ZFP82: variants seen among roughly 807,000 people sequenced by gnomAD.
The protein encoded by ZFP82 is ZFP82 zinc finger protein.
Under a neutral mutation model 54.0 loss-of-function variants are expected in ZFP82, and 30 were observed. That is an observed-to-expected ratio of 0.56 (90% CI 0.42 to 0.75). The LOEUF is 0.75. Among genes scored for constraint, ZFP82 ranks in the 30% least tolerant of loss-of-function variants. The pLI is 0.00. For missense variants in ZFP82, 500 were observed against 636.8 expected (o/e 0.79, Z 2.31); for synonymous variants, 194 against 209.5 (o/e 0.93, Z 0.64).
At chr19:36,413,828 A>C (rs1188175680) in intron 1 of ZFP82, among the ~76,000 whole-genome samples, 1 of 152,198 alleles carries the variant, frequency 6.6e-6, no homozygotes, top group East Asian at 1.9e-4. Context: ...AAAATGGCTT[A>C]CTGTAAGCAC....
In ZFP82 at chr19:36,391,954, GT is replaced by G. The variant is rs1282436833; in HGVS notation, c.*786del. 2 of 152,186 alleles carry G rather than the reference GT, an allele frequency of 1.3e-5. No homozygotes were observed. Among genetic ancestry groups the G allele is most frequent in the Non-Finnish European group, 2.9e-5 (2 of 68,032 alleles). 9.4% of individuals were successfully genotyped at this position (152,186 alleles called of 1,614,324 possible). On this transcript the variant is annotated 3_prime_UTR_variant, in exon 5 of 5. Transcript: ENST00000392161. ...ATATTTAGTATGATAATAAAAGAAA[GT>G]TTAGTGGCTTAAAACAACAACCATT...
At chr19:36,418,332 G>A (rs1280775227) in intron 1 of ZFP82, among the ~76,000 whole-genome samples, 160 bp downstream of exon 1, 1 of 151,920 alleles carries the variant, frequency 6.6e-6, no homozygotes, top group Non-Finnish European at 1.5e-5. Context: ...CGCACTCCAC[G>A]GCCACAACAA....
chr19:36,397,287 TTCA>T (rs1045648750), intron 4 of ZFP82, among the ~76,000 whole-genome samples: 1 of 151,860 alleles, frequency 6.6e-6, no homozygotes, highest in African/African-American at 2.4e-5. Context: ...AGAGACGGGT[TTCA>T]TCATGTTGGC....
intron 1 of ZFP82, among the ~76,000 whole-genome samples, chr19:36,416,543 G>C (rs1405969335): frequency 3.9e-5 from 6 of 152,096 alleles, no homozygotes; most frequent in Non-Finnish European, 8.8e-5. Context: ...GATCACCTGA[G>C]GTCGGGAGTT....
downstream of ZFP82, among the ~76,000 whole-genome samples, chr19:36,388,243 G>A (rs1017901998): frequency 2.6e-5 from 4 of 151,962 alleles, no homozygotes; most frequent in African/African-American, 9.7e-5. Flanking sequence ...TTTTGCGAAT[G>A]TTTGCATATA....
In ZFP82 at chr19:36,393,667, G is replaced by C; in HGVS notation, c.673C>G (p.Leu225Val). 6.2e-7 allele frequency: 1 copy of C among 1,614,068 alleles called. No homozygotes were observed. The highest frequency in any genetic ancestry group is 8.5e-7 in the Non-Finnish European group (1 of 1,180,008). ...TCCCCACATTCCTTACATTCATAGA[G>C]TTTTTCACCAGAATGAAGTCTCTGA... is the stretch of plus-strand genomic sequence containing the variant. The part of the protein sequence containing the change: ...RHQRLHSGEK[L>V]YECKECGEAF... The change falls in exon 5 of 5, where the codon CTC (leucine) becomes GTC (valine). Residue 225 changes from leucine (L) to valine (V), a missense_variant. Physicochemically the swap from Leu to Val is conservative, Grantham distance 32. Transcript: ENST00000392161.
rs1434152929 is a variant in ZFP82 at position 36,389,670 on chromosome 19, T to C, written c.*3071A>G. Reference sequence around the variant, plus strand: ...TTTAGTAACCAATCCATGTTTACATTTGTACAATATGTAGAGACATTTTAT... The same window carrying C: ...TTTAGTAACCAATCCATGTTTACATCTGTACAATATGTAGAGACATTTTAT... On this transcript the variant is annotated 3_prime_UTR_variant, in exon 5 of 5. Coordinates refer to ENST00000392161, the MANE Select transcript of ZFP82 (RefSeq NM_133466.4). Among the ~76,000 whole-genome samples the C allele has an allele frequency of 3.3e-5, 5 of 152,366 alleles. No individual in the cohort carries two copies. The East Asian group carries it at 9.6e-4, about 29-fold the overall frequency.
At chr19:36,417,662 G>C (rs538803034) in intron 1 of ZFP82, among the ~76,000 whole-genome samples, 1 of 152,152 alleles carries the variant, frequency 6.6e-6, no homozygotes, top group African/African-American at 2.4e-5. Context: ...CACATAACCA[G>C]AGTAACATAA....
intron 4 of ZFP82, chr19:36,394,608 C>T (rs2032264661): frequency 6.3e-6 from 1 of 157,542 alleles, no homozygotes; most frequent in Admixed American, 6.3e-5. Context: ...CCCTTTACTG[C>T]TCCCTGGAGA....
Position 36,407,989 on chromosome 19 carries a change from A to G in ZFP82, c.34T>C (p.Ser12Pro). 1 of 1,614,130 alleles carries G rather than the reference A, an allele frequency of 6.2e-7. No homozygotes were observed. The highest frequency in any genetic ancestry group is 8.5e-7 in the Non-Finnish European group (1 of 1,179,978). The change falls in exon 3 of 5, where the codon TCC becomes CCC. Residue 12 changes from serine (S) to proline (P), a missense_variant. Coordinates refer to ENST00000392161, the MANE Select transcript of ZFP82 (RefSeq NM_133466.4). Reference sequence around the variant, plus strand: ...CACTCTTCTGGAGAGAAGTCTATGGATACATCACTGAACATCACTGATCGC... The same window carrying G: ...CACTCTTCTGGAGAGAAGTCTATGGGTACATCACTGAACATCACTGATCGC... ...ALRSVMFSDV[S>P]IDFSPEEWEY...
In ZFP82 at chr19:36,389,257, T is replaced by C. The variant is rs1358701763; in HGVS notation, c.*3484A>G. ...TTCACCATGTTGGCCAGGATGGTCTTGATCTCCTGGCCTCAAATGATCCAC... is the reference window on the plus strand; with the variant it reads ...TTCACCATGTTGGCCAGGATGGTCTCGATCTCCTGGCCTCAAATGATCCAC... On this transcript the variant is annotated 3_prime_UTR_variant, in exon 5 of 5. Transcript: ENST00000392161. 6.6e-6 allele frequency among the ~76,000 whole-genome samples: 1 copy of C among 152,080 alleles called. No homozygotes were observed. Among genetic ancestry groups the C allele is most frequent in the East Asian group, 1.9e-4 (1 of 5,194 alleles).
At position 36,393,498 on chromosome 19, in the gene ZFP82, G is replaced by A; in HGVS notation, c.842C>T (p.Pro281Leu). The A allele has an allele frequency of 3.1e-6, 5 of 1,614,048 alleles. No homozygotes were observed. The highest frequency in any genetic ancestry group is 4.2e-6 in the Non-Finnish European group (5 of 1,180,026). ...LHQRIHTGEK[P>L]YVCKECGKAF... The stretch of plus-strand genomic sequence containing the variant: ...TTTTCCACACTCTTTACACACATAG[G>A]GTTTCTCACCAGTATGAATCCTCTG... The change falls in exon 5 of 5, where the codon CCC (proline) becomes CTC (leucine). Residue 281 changes from proline (P) to leucine (L), a missense_variant. Physicochemically the swap from Pro to Leu is moderately conservative, Grantham distance 98 (BLOSUM62 -3). Transcript: ENST00000392161.
intron 4 of ZFP82, 47 bp downstream of exon 4, chr19:36,405,533 T>C: frequency 7.1e-7 from 1 of 1,415,904 alleles, no homozygotes; most frequent in Non-Finnish European, 9.9e-7. Flanking sequence ...CCCAGTGATC[T>C]GGGGTTCCCT....
intron 2 of ZFP82, among the ~76,000 whole-genome samples, 159 bp from the exon 3 acceptor site, chr19:36,408,172 G>A (rs2032516856): frequency 6.6e-6 from 1 of 152,188 alleles, no homozygotes; most frequent in African/African-American, 2.4e-5. Context: ...AAATGAGTGT[G>A]CCTGAAGCAA....
intron 4 of ZFP82, among the ~76,000 whole-genome samples, chr19:36,401,949 G>C (rs1465403945): frequency 6.6e-6 from 1 of 152,066 alleles, no homozygotes; most frequent in Non-Finnish European, 1.5e-5. Flanking sequence ...TTTTCTGAAG[G>C]CATGTTATTT....
rs745896868 is a variant in ZFP82 at position 36,405,654 on chromosome 19, G to T, written c.155C>A (p.Pro52Gln). 6.2e-7 allele frequency: 1 copy of T among 1,605,078 alleles called. No homozygotes were observed. The highest frequency in any genetic ancestry group is 8.5e-7 in the Non-Finnish European group (1 of 1,173,814). Residue 52 changes from proline (P) to glutamine (Q), a missense_variant, in exon 4 of 5, where the codon CCA becomes CAA. Coordinates refer to ENST00000392161, the MANE Select transcript of ZFP82 (RefSeq NM_133466.4). ...LVSLGCFISK[P>Q]DVISSLEQGK... Reference sequence around the variant, plus strand: ...TTGCTCCAATGAGGAAATCACATCTGGTTTAGAAATGAAGCATCCTGCTTA... The same window carrying T: ...TTGCTCCAATGAGGAAATCACATCTTGTTTAGAAATGAAGCATCCTGCTTA...
At chr19:36,406,304 T>C (rs1367101977) in intron 3 of ZFP82, among the ~76,000 whole-genome samples, 1 of 152,236 alleles carries the variant, frequency 6.6e-6, no homozygotes, top group African/African-American at 2.4e-5. Context: ...CAATGATTTT[T>C]AGTAAATTTA....
intron 1 of ZFP82, among the ~76,000 whole-genome samples, chr19:36,416,721 A>G (rs1467273026): frequency 7.2e-6 from 1 of 138,962 alleles, no homozygotes; most frequent in Non-Finnish European, 1.5e-5. Context: ...ACACCATTGC[A>G]CTCCAGCCTG....
chr19:36,396,505 A>C (rs1224154251), intron 4 of ZFP82, among the ~76,000 whole-genome samples: 2 of 151,920 alleles, frequency 1.3e-5, no homozygotes, highest in African/African-American at 2.4e-5. Context: ...CACACACAAA[A>C]ATGAGCTGGG....
Sources: allele counts gnomAD v4.1 joint callset (sites outside exome capture counted in the v4.1 genomes callset), GRCh38; gene constraint gnomAD v4.1.1; transcripts MANE v1.5; gene names NCBI Gene and HGNC (gene_info 2026-07-23, HGNC 2026-07-21).